C11orf97: variants seen among roughly 807,000 people sequenced by gnomAD.
The protein encoded by C11orf97 is chromosome 11 open reading frame 97, also known as uncharacterized protein C11orf97.
In C11orf97, 15 loss-of-function variants were observed where a neutral mutation model predicts 16.2. The ratio of observed to expected loss-of-function variants is 0.93; its 90% confidence interval spans 0.62 to 1.43. C11orf97 has a LOEUF of 1.43. C11orf97 is among the 40% of genes most tolerant of loss of function. The pLI is 0.00. For synonymous variants in C11orf97, 61 were observed against 65.7 expected (o/e 0.93, Z 0.34); for missense variants, 171 against 161.2 (o/e 1.06, Z -0.33).
intron 2 of C11orf97, among the ~76,000 whole-genome samples, chr11:94,520,800 C>T (rs949138625): frequency 2.0e-5 from 3 of 152,208 alleles, no homozygotes; most frequent in Admixed American, 6.5e-5. Context: ...CTATAACAGC[C>T]TCTGCTACTG....
At chr11:94,527,648 T>C (rs796468320) in intron 2 of C11orf97, among the ~76,000 whole-genome samples, 8 of 152,380 alleles carry the variant, frequency 5.3e-5, no homozygotes, top group African/African-American at 1.9e-4. Flanking sequence ...TAGAGGATTC[T>C]TGGATCTATT....
chr11:94,517,439 A>G, intron 1 of C11orf97, 144 bp from the exon 2 acceptor site: 1 of 452,458 alleles, frequency 2.2e-6, no homozygotes, highest in Non-Finnish European at 3.8e-6. Context: ...GATCTTTCCA[A>G]GATAGAGCCT....
In C11orf97 at chr11:94,521,298, T is replaced by C. The variant is rs1220542141; in HGVS notation, c.250+3611T>C. On this transcript the variant is annotated intron_variant, in intron 2 of 3. Coordinates refer to ENST00000542198, the MANE Select transcript of C11orf97 (RefSeq NM_001190462.2). ...CTTATGATTTTTCAATGTGATGGTG[T>C]GAAAGTGATACATGTCAGTAGGAAC... Among the ~76,000 whole-genome samples the C allele has an allele frequency of 4.6e-5, 7 of 152,228 alleles. No homozygotes were observed. In the East Asian group the frequency reaches 1.3e-3, roughly 29 times the overall value.
In C11orf97 at chr11:94,513,630, C is replaced by T. The variant is rs1947585907; in HGVS notation, c.145+957C>T. ...CACACACTCTCCTCCCCAGAGACCT[C>T]ATCAAGAAGTTACAGAACTACTGCC... On this transcript the variant is annotated intron_variant, in intron 1 of 3. Transcript: ENST00000542198. Among the ~76,000 whole-genome samples the T allele has an allele frequency of 1.3e-5, 2 of 152,198 alleles. 1 individual carries two copies. Among genetic ancestry groups the T allele is most frequent in the South Asian group, 4.1e-4 (2 of 4,832 alleles).
chr11:94,526,279 A>G (rs1947699739), intron 2 of C11orf97, among the ~76,000 whole-genome samples: 2 of 152,122 alleles, frequency 1.3e-5, no homozygotes, highest in African/African-American at 4.8e-5. Flanking sequence ...TCACCCAAAC[A>G]TCACTTCACA....
chr11:94,527,969 C>A, intron 2 of C11orf97, 115 bp from the exon 3 acceptor site: 4 of 1,025,016 alleles, frequency 3.9e-6, no homozygotes, highest in South Asian at 1.9e-5. Flanking sequence ...TTAGTCAAAC[C>A]AAATAAACCC....
At chr11:94,518,964 A>C (rs1947636258) in intron 2 of C11orf97, among the ~76,000 whole-genome samples, 1 of 151,136 alleles carries the variant, frequency 6.6e-6, no homozygotes, top group Non-Finnish European at 1.5e-5. Flanking sequence ...GCTGGAGTGC[A>C]GTGACACGAT....
Position 94,517,600 on chromosome 11 carries a change from T to C in C11orf97, c.163T>C (p.Cys55Arg). The C allele has an allele frequency of 6.5e-7, 1 of 1,528,264 alleles. No homozygotes were observed. 94.7% of individuals were successfully genotyped at this position (1,528,264 alleles called of 1,614,324 possible). ...HGQQWKKFLY[C>R]EPHKRIKEVL... ...CTTTATAGGGAAGAAATTTTTATAT[T>C]GTGAGCCACATAAGAGAATTAAGGA... is the stretch of plus-strand genomic sequence containing the variant. The change falls in exon 2 of 4, where the codon TGT (cysteine) becomes CGT (arginine). Residue 55 changes from cysteine (C) to arginine (R), a missense_variant. Cys to Arg is a radical substitution (Grantham distance 180, BLOSUM62 -3). Transcript: ENST00000542198.
intron 2 of C11orf97, among the ~76,000 whole-genome samples, chr11:94,527,461 C>T (rs1275238926): frequency 2.0e-5 from 3 of 152,158 alleles, no homozygotes; most frequent in Non-Finnish European, 4.4e-5. Flanking sequence ...GGAGGATAAC[C>T]AAGTGCAAAT....
intron 1 of C11orf97, among the ~76,000 whole-genome samples, chr11:94,515,870 A>G (rs1230394789): frequency 6.6e-6 from 1 of 152,158 alleles, no homozygotes; most frequent in African/African-American, 2.4e-5. Flanking sequence ...TCCTAGCACC[A>G]GGGCTGAAAT....
At chr11:94,521,079 A>G (rs972198416) in intron 2 of C11orf97, among the ~76,000 whole-genome samples, 15 of 152,192 alleles carry the variant, frequency 9.9e-5, no homozygotes, top group African/African-American at 3.1e-4. Context: ...AGACATTCAG[A>G]TATCTTCCTC....
chr11:94,517,309 G>T (rs629156), intron 1 of C11orf97, among the ~76,000 whole-genome samples: 88,035 of 151,918 alleles, frequency 0.58, 25,816 homozygotes, highest in African/African-American at 0.63. Flanking sequence ...TTGAAGCTAA[G>T]GAGGAAACTT....
At chr11:94,531,431 TG>T (rs1404012185) in intron 3 of C11orf97, among the ~76,000 whole-genome samples, 2 of 123,412 alleles carry the variant, frequency 1.6e-5, no homozygotes, top group Admixed American at 1.6e-4. Flanking sequence ...AGAGCAAGAC[TG>T]TGTTTCAAAC....
intron 2 of C11orf97, among the ~76,000 whole-genome samples, chr11:94,519,027 G>A (rs1055161804): frequency 6.6e-6 from 1 of 151,904 alleles, no homozygotes; most frequent in African/African-American, 2.4e-5. Context: ...TTCTGCCTCA[G>A]CCTCCTGAGT....
chr11:94,527,432 C>G (rs1474569462), intron 2 of C11orf97, among the ~76,000 whole-genome samples: 1 of 152,174 alleles, frequency 6.6e-6, no homozygotes, highest in Non-Finnish European at 1.5e-5. Flanking sequence ...CAAAACCTAA[C>G]CAGGTGATTT....
rs7941774 is a variant in C11orf97 at position 94,526,382 on chromosome 11, G to A, written c.251-1702G>A. Among the ~76,000 whole-genome samples, 127 of 152,258 alleles carry A rather than the reference G, an allele frequency of 8.3e-4. 1 individual carries two copies. Among genetic ancestry groups the A allele is most frequent in the African/African-American group, 2.9e-3 (120 of 41,544 alleles). On this transcript the variant is annotated intron_variant, in intron 2 of 3. Coordinates refer to ENST00000542198, the MANE Select transcript of C11orf97 (RefSeq NM_001190462.2). ...ATATTTTGCTTTGAGAGTTTCAGATGCATTTCTGGGCATCTGCATTTATAT... is the reference window on the plus strand; with the variant it reads ...ATATTTTGCTTTGAGAGTTTCAGATACATTTCTGGGCATCTGCATTTATAT...
chr11:94,520,366 T>C (rs1947648280), intron 2 of C11orf97, among the ~76,000 whole-genome samples: 1 of 152,198 alleles, frequency 6.6e-6, no homozygotes, highest in African/African-American at 2.4e-5. Flanking sequence ...TCTTCTTTGC[T>C]GGCTCTCCCT....
intron 2 of C11orf97, among the ~76,000 whole-genome samples, chr11:94,525,486 A>C (rs1256039494): frequency 1.3e-5 from 2 of 152,270 alleles, no homozygotes; most frequent in African/African-American, 4.8e-5. Context: ...AAATGTGGAT[A>C]TATTTCATTA....
At chr11:94,513,747 G>A (rs1947586771) in intron 1 of C11orf97, among the ~76,000 whole-genome samples, 1 of 152,206 alleles carries the variant, frequency 6.6e-6, no homozygotes, top group South Asian at 2.1e-4. Flanking sequence ...AGCATGCAGA[G>A]GCCTTGCTTA....
Sources: gnomAD v4.1 joint callset for allele counts (sites outside exome capture counted in the v4.1 genomes callset) on GRCh38, gnomAD v4.1.1 for gene constraint, MANE v1.5 for transcripts, NCBI Gene and HGNC (gene_info 2026-07-23, HGNC 2026-07-21) for gene names.